The following FDFT1 variants were observed in gnomAD, a reference collection of about 807,000 sequenced individuals.
The protein encoded by FDFT1 is squalene synthase.
In FDFT1, 68 loss-of-function variants were observed where a neutral mutation model predicts 46.8. The ratio of observed to expected loss-of-function variants is 1.45; its 90% CI spans 1.19 to 1.78. The LOEUF is 1.78. Among genes scored for constraint, FDFT1 ranks in the 40% most tolerant of loss-of-function variants. The probability of loss-of-function intolerance (pLI) is 0.00; values close to 1 mark genes in which losing one functional copy is unlikely to be tolerated. For synonymous variants in FDFT1, 351 were observed against 185.1 expected (o/e 1.90, Z -7.28); for missense variants, 928 against 524.4 (o/e 1.77, Z -7.52).
chr8:11,812,643 C>T (rs1313387943), intron 3 of FDFT1, among the ~76,000 whole-genome samples: 1 of 152,142 alleles, frequency 6.6e-6, no homozygotes, highest in Non-Finnish European at 1.5e-5. Flanking sequence ...AAGTTACTAG[C>T]TCGATTGATC....
At chr8:11,836,599 A>C (rs1047266614) in intron 7 of FDFT1, among the ~76,000 whole-genome samples, 1 of 152,228 alleles carries the variant, frequency 6.6e-6, no homozygotes, top group African/African-American at 2.4e-5. Flanking sequence ...TTTCCAAATA[A>C]ATGGCTGCAT....
At chr8:11,820,996 C>G (rs369313392) in intron 3 of FDFT1, among the ~76,000 whole-genome samples, 42 of 152,326 alleles carry the variant, frequency 2.8e-4, no homozygotes, top group African/African-American at 8.7e-4. Flanking sequence ...ACTGGGACAT[C>G]TTGGAAGCAA....
chr8:11,800,300 G>A (rs1375821367), upstream of FDFT1, among the ~76,000 whole-genome samples: 1 of 131,318 alleles, frequency 7.6e-6, no homozygotes, highest in Admixed American at 7.9e-5. Context: ...AAAGGCGCTT[G>A]AACATTAATT....
rs972000876 is a variant in FDFT1 at position 11,824,843 on chromosome 8, C to G, written c.511-1181C>G. Among the ~76,000 whole-genome samples the G allele has an allele frequency of 7.2e-5, 11 of 152,292 alleles. No individual in the cohort carries two copies. In the South Asian group the frequency reaches 1.7e-3, roughly 23 times the overall value. On this transcript the variant is annotated intron_variant, in intron 4 of 7. Coordinates refer to ENST00000220584, the MANE Select transcript of FDFT1 (RefSeq NM_004462.5). The stretch of plus-strand genomic sequence containing the variant: ...CTCCACCTCCTGGGTTCACGCCATT[C>G]TCCTGCCTTAGCCTTCTGAGTAGCT...
intron 1 of FDFT1, among the ~76,000 whole-genome samples, chr8:11,805,847 C>G (rs1806762915): frequency 6.6e-6 from 1 of 152,136 alleles, no homozygotes; most frequent in Non-Finnish European, 1.5e-5. Flanking sequence ...AATTCTGCCC[C>G]AGGTCTTGCC....
At chr8:11,802,528 C>T (rs1360741250), upstream of FDFT1, 2 of 542,564 alleles carry the variant, frequency 3.7e-6, no homozygotes, top group East Asian at 4.5e-5. Context: ...TCTCGGCCTC[C>T]AATGAGCTTC....
intron 4 of FDFT1, among the ~76,000 whole-genome samples, chr8:11,823,754 T>G (rs1809579036): frequency 6.6e-6 from 1 of 152,098 alleles, no homozygotes; most frequent in Non-Finnish European, 1.5e-5. Context: ...TTAATTTTTA[T>G]TATTTTTGAG....
At chr8:11,802,507 G>C (rs1047529355), upstream of FDFT1, 2 of 507,758 alleles carry the variant, frequency 3.9e-6, no homozygotes, top group Non-Finnish European at 7.7e-6. Context: ...AATCCCGCTC[G>C]TCGGCCTCTT....
chr8:11,799,176 A>G (rs1221603692), upstream of FDFT1, among the ~76,000 whole-genome samples: 1 of 152,250 alleles, frequency 6.6e-6, no homozygotes, highest in South Asian at 2.1e-4. Context: ...TTTTTAGGAC[A>G]GGAAGGCGCC....
intron 1 of FDFT1, among the ~76,000 whole-genome samples, chr8:11,806,574 T>C (rs934241162): frequency 2.6e-5 from 4 of 152,200 alleles, no homozygotes; most frequent in Admixed American, 2.6e-4. Context: ...GGTTTAAATC[T>C]AGGGGGACCG....
intron 3 of FDFT1, among the ~76,000 whole-genome samples, chr8:11,811,219 T>A (rs2130739816): frequency 6.6e-6 from 1 of 152,310 alleles, no homozygotes; most frequent in East Asian, 1.9e-4. Flanking sequence ...GAGGATGGGT[T>A]TCCTTTGATG....
upstream of FDFT1, chr8:11,801,746 T>A (rs1241664148): frequency 5.8e-6 from 2 of 343,930 alleles, no homozygotes; most frequent in Admixed American, 8.0e-5. Context: ...CTGGCTGGAG[T>A]GCAGCGGTGT....
rs188541219 is a variant in FDFT1 at position 11,829,796 on chromosome 8, T to A, written c.703-448T>A. ...AAATGAACTTGATCTTCGTGAAAGA[T>A]GAGTCTGCAGCTAAGAGACTTTACT... On this transcript the variant is annotated intron_variant, in intron 5 of 7. Coordinates refer to ENST00000220584, the MANE Select transcript of FDFT1 (RefSeq NM_004462.5). Among the ~76,000 whole-genome samples the A allele has an allele frequency of 3.7e-4, 57 of 152,326 alleles. No homozygotes were observed. In the East Asian group the frequency reaches 0.011, roughly 28 times the overall value.
chr8:11,831,777 C>A lies in FDFT1; in HGVS notation c.1032+107C>A, dbSNP rs147214659. 57 of 956,610 alleles carry A rather than the reference C, an allele frequency of 6.0e-5. No homozygotes were observed. In the African/African-American group the frequency reaches 8.4e-4, roughly 14 times the overall value. The allele number at this position is 956,610 out of a possible 1,614,324, so 59.3% of individuals were successfully genotyped here. A position where few individuals can be genotyped will look rare whatever the true frequency, so the allele number is the denominator to read the frequency against. On this transcript the variant is annotated intron_variant, in intron 7 of 7. Transcript: ENST00000220584. ...TTAGATGATCCTAACAATTCACTAT[C>A]CTGTGGCCTAAAGAGACAGGAATTG...
At chr8:11,808,749 T>TCCC (rs1563301260) in intron 1 of FDFT1, 45 bp from the exon 2 acceptor site, 2 of 1,552,962 alleles carry the variant, frequency 1.3e-6, no homozygotes, top group East Asian at 4.6e-5. Context: ...CTCCCACTCC[T>TCCC]GCTCCTCGAC....
upstream of FDFT1, among the ~76,000 whole-genome samples, chr8:11,799,919 C>G (rs1410783783): frequency 6.9e-6 from 1 of 144,628 alleles, no homozygotes; most frequent in Non-Finnish European, 1.5e-5. Flanking sequence ...GCACTCCAGC[C>G]TCACGACAGA....
intron 3 of FDFT1, among the ~76,000 whole-genome samples, chr8:11,812,353 A>T (rs1807836912): frequency 6.6e-6 from 1 of 152,170 alleles, no homozygotes; most frequent in Non-Finnish European, 1.5e-5. Flanking sequence ...GGCCTGAGTG[A>T]TGGCCAAGGG....
rs567896058 is a variant in FDFT1, at chr8:11,796,829, G to T, written c.-94+818G>T. Among the ~76,000 whole-genome samples the T allele has an allele frequency of 2.7e-4, 41 of 152,350 alleles. No individual in the cohort carries two copies. The South Asian group carries it at 5.6e-3, about 21-fold the overall frequency. Reference sequence around the variant, plus strand: ...AGGGTTCCTGGCTTTACCCAGGAAAGAATTCAAGGGTGAGCCAGTGGTAAG... The same window carrying T: ...AGGGTTCCTGGCTTTACCCAGGAAATAATTCAAGGGTGAGCCAGTGGTAAG... On this transcript the variant is annotated intron_variant, in intron 1 of 7. Transcript: ENST00000538689.
rs779749413 is a variant in FDFT1, at chr8:11,808,802, C to A, written c.108C>A (p.Leu36=). The change falls in exon 2 of 8, where the codon CTC becomes CTA. Residue 36 remains leucine (L), a synonymous_variant. Coordinates refer to ENST00000220584, the MANE Select transcript of FDFT1 (RefSeq NM_004462.5). ...GTGTTGTCTGCCCGCAGGACTCGCT[C>A]AGCAGCAGCCTGAAAACTTGCTACA... ...KVMPKMDQDS[L]SSSLKTCYKY... is the part of the protein sequence containing the mutation. 1.2e-6 allele frequency: 2 copies of A among 1,613,858 alleles called. No homozygotes were observed. Among genetic ancestry groups the A allele is most frequent in the Non-Finnish European group, 1.7e-6 (2 of 1,179,920 alleles).
Sources: allele counts gnomAD v4.1 joint callset (sites outside exome capture counted in the v4.1 genomes callset), GRCh38; gene constraint gnomAD v4.1.1; transcripts MANE v1.5; gene names NCBI Gene and HGNC (gene_info 2026-07-23, HGNC 2026-07-21).